The following SH3RF3 variants were observed in gnomAD, a reference collection of about 807,000 sequenced individuals.
The protein encoded by SH3RF3 is SH3 domain containing ring finger 3, also known as E3 ubiquitin-protein ligase SH3RF3.
SH3RF3 carries 29 observed loss-of-function variants against 66.3 expected under a neutral mutation model. The observed-to-expected ratio is 0.44, with a 90% CI of 0.33 to 0.60. The LOEUF is 0.60. SH3RF3 is among the 20% of genes least tolerant of loss of function. The probability of loss-of-function intolerance (pLI) is 0.04; values close to 1 mark genes in which losing one functional copy is unlikely to be tolerated. For missense variants in SH3RF3, 1,194 were observed against 1,190.9 expected, an observed-to-expected ratio of 1.00 and a Z score of -0.04; for synonymous variants, 583 against 532.0, an observed-to-expected ratio of 1.10 and a Z score of -1.32.
intron 1 of SH3RF3, among the ~76,000 whole-genome samples, chr2:109,192,266 G>C (rs117611677): frequency 6.6e-6 from 1 of 152,162 alleles, no homozygotes; most frequent in East Asian, 1.9e-4. Context: ...TGCAGCTCAT[G>C]GGATGTTTGG....
intron 1 of SH3RF3, among the ~76,000 whole-genome samples, chr2:109,332,133 G>A (rs1019929626): frequency 1.3e-5 from 2 of 152,298 alleles, no homozygotes; most frequent in Non-Finnish European, 2.9e-5. Flanking sequence ...TGCTGGTAAA[G>A]AGCACCAGAG....
intron 8 of SH3RF3, among the ~76,000 whole-genome samples, chr2:109,480,445 G>T (rs1212120592): frequency 6.6e-6 from 1 of 152,232 alleles, no homozygotes; most frequent in Non-Finnish European, 1.5e-5. Context: ...GAAAAAGAGA[G>T]TAATAAGGAG....
intron 1 of SH3RF3, among the ~76,000 whole-genome samples, chr2:109,157,759 C>T (rs1470307457): frequency 6.6e-6 from 1 of 152,184 alleles, no homozygotes; most frequent in African/African-American, 2.4e-5. Flanking sequence ...ATGTCATCAA[C>T]AGGGACTTTG....
intron 1 of SH3RF3, among the ~76,000 whole-genome samples, chr2:109,336,796 A>G (rs552181443): frequency 7.2e-5 from 11 of 152,352 alleles, no homozygotes; most frequent in Middle Eastern, 3.4e-3. Flanking sequence ...TTAAGGATTT[A>G]TATAAATCAA....
chr2:109,240,741 T>A (rs763864680), intron 1 of SH3RF3, among the ~76,000 whole-genome samples: 16 of 152,126 alleles, frequency 1.1e-4, no homozygotes, highest in Admixed American at 4.6e-4. Context: ...TGTTTCCTTC[T>A]GAGCTTCTTC....
intron 3 of SH3RF3, among the ~76,000 whole-genome samples, chr2:109,381,977 T>G (rs936498290): frequency 2.0e-5 from 3 of 152,088 alleles, no homozygotes; most frequent in Non-Finnish European, 2.9e-5. Flanking sequence ...ATTTGGCTCT[T>G]TCCATCAACA....
At chr2:109,235,258 C>A (rs1294747812) in intron 1 of SH3RF3, among the ~76,000 whole-genome samples, 1 of 152,182 alleles carries the variant, frequency 6.6e-6, no homozygotes. Flanking sequence ...TCTGGGAGGA[C>A]TGGTTGGTGG....
chr2:109,199,333 TGG>T (rs201054545), intron 1 of SH3RF3, among the ~76,000 whole-genome samples: 19 of 146 alleles, frequency 0.13, no homozygotes, highest in Admixed American at 0.17. Flanking sequence ...AAAAGTAAAA[TGG>T]AATGGAATGG....
intron 1 of SH3RF3, among the ~76,000 whole-genome samples, chr2:109,257,478 C>T (rs867719870): frequency 5.3e-5 from 8 of 152,182 alleles, no homozygotes; most frequent in Admixed American, 2.6e-4. Flanking sequence ...TTGTAAATAG[C>T]AGCTGCCCTG....
At chr2:109,369,117 G>A (rs1356781204) in intron 2 of SH3RF3, among the ~76,000 whole-genome samples, 1 of 152,068 alleles carries the variant, frequency 6.6e-6, no homozygotes, top group East Asian at 1.9e-4. Flanking sequence ...GGCCGAGGTG[G>A]GCAGATCACG....
intron 7 of SH3RF3, among the ~76,000 whole-genome samples, chr2:109,448,340 C>T (rs1677764947): frequency 6.6e-6 from 1 of 152,198 alleles, no homozygotes; most frequent in African/African-American, 2.4e-5. Flanking sequence ...GAGTCCCCAG[C>T]CTCCAAGCCA....
At chr2:109,176,783 C>T (rs775159009) in intron 1 of SH3RF3, among the ~76,000 whole-genome samples, 14 of 152,264 alleles carry the variant, frequency 9.2e-5, no homozygotes, top group Middle Eastern at 3.4e-3. Context: ...GAGGCTGTTC[C>T]GCTGGCAGAA....
intron 5 of SH3RF3, among the ~76,000 whole-genome samples, chr2:109,423,355 C>T (rs1676933921): frequency 6.6e-6 from 1 of 152,148 alleles, no homozygotes; most frequent in Non-Finnish European, 1.5e-5. Flanking sequence ...CCTCGCAGAC[C>T]TTGCTGTGAT....
At chr2:109,324,840 C>T (rs907994483) in intron 1 of SH3RF3, among the ~76,000 whole-genome samples, 3 of 152,196 alleles carry the variant, frequency 2.0e-5, no homozygotes, top group African/African-American at 4.8e-5. Flanking sequence ...CGTCCCTCTC[C>T]TTGAGGTGTG....
chr2:109,379,739 C>T (rs1573205474), intron 3 of SH3RF3, among the ~76,000 whole-genome samples: 1 of 152,168 alleles, frequency 6.6e-6, no homozygotes, highest in African/African-American at 2.4e-5. Context: ...TCAGTGTGGA[C>T]TGTGCCTCCA....
At position 109,397,027 on chromosome 2, in the gene SH3RF3, G is replaced by A. The variant is rs527679954; in HGVS notation, c.946-1563G>A. ...CCCCGGTGGCCTACCTGCAGTTTTC[G>A]GAAAGCCCTTTGGCCACTGGCCTAG... On this transcript the variant is annotated intron_variant, in intron 3 of 9. Coordinates refer to ENST00000309415, the MANE Select transcript of SH3RF3 (RefSeq NM_001099289.3). 1.7e-3 allele frequency among the ~76,000 whole-genome samples: 266 copies of A among 152,234 alleles called. 1 individual carries two copies. Among genetic ancestry groups the A allele is most frequent in the African/African-American group, 5.6e-3 (232 of 41,550 alleles).
At position 109,449,247 on chromosome 2, in the gene SH3RF3, C is replaced by A. The variant is rs368090298; in HGVS notation, c.1906C>A (p.Arg636Ser). 6 of 1,612,654 alleles carry A rather than the reference C, an allele frequency of 3.7e-6. No individual in the cohort carries two copies. Among genetic ancestry groups the A allele is most frequent in the Non-Finnish European group, 4.2e-6 (5 of 1,179,540 alleles). The change falls in exon 8 of 10, where the codon CGC (arginine) becomes AGC (serine). Residue 636 changes from arginine to serine, a missense_variant. Arg to Ser is a moderately radical substitution (Grantham distance 110, BLOSUM62 -1). Transcript: ENST00000309415. The part of the protein sequence containing the change: ...SPLRTQNSPS[R>S]LPATSLRPHS... ...CCTGCGCACCCAGAACTCTCCATCC[C>A]GCCTGCCTGCCACCAGCCTCAGGCC...
chr2:109,139,873 G>A (rs1187444782), intron 1 of SH3RF3, among the ~76,000 whole-genome samples: 1 of 152,212 alleles, frequency 6.6e-6, no homozygotes, highest in Non-Finnish European at 1.5e-5. Flanking sequence ...GAGTCGTGTG[G>A]ACAGGGGTCT....
At chr2:109,202,160 A>T (rs983609102) in intron 1 of SH3RF3, among the ~76,000 whole-genome samples, 2 of 152,140 alleles carry the variant, frequency 1.3e-5, no homozygotes, top group Admixed American at 1.3e-4. Context: ...CAGCTTGTAG[A>T]TGAACACGGG....
Sources: gnomAD v4.1 joint callset for allele counts (sites outside exome capture counted in the v4.1 genomes callset) on GRCh38, gnomAD v4.1.1 for gene constraint, MANE v1.5 for transcripts, NCBI Gene and HGNC (gene_info 2026-07-23, HGNC 2026-07-21) for gene names.